The following PCDH9 variants were observed in gnomAD, a reference collection of about 807,000 sequenced individuals.
PCDH9 encodes protocadherin-9.
A neutral mutation model predicts 70.6 loss-of-function variants in PCDH9; 24 were observed. The observed-to-expected ratio is 0.34, with a 90% CI of 0.25 to 0.48. The LOEUF (loss-of-function observed/expected upper bound fraction) is 0.48, where lower values mean the gene tolerates loss of function less well. Among genes scored for constraint, PCDH9 ranks in the 20% least tolerant of loss-of-function variants. The pLI is 0.99. For synonymous variants in PCDH9, 562 were observed against 558.5 expected, an observed-to-expected ratio of 1.01 and a Z score of -0.09; for missense variants, 1,281 against 1,503.6, an observed-to-expected ratio of 0.85 and a Z score of 2.45.
intron 4 of PCDH9, among the ~76,000 whole-genome samples, chr13:66,567,127 A>G (rs2138728008): frequency 6.6e-6 from 1 of 152,270 alleles, no homozygotes; most frequent in East Asian, 1.9e-4. Context: ...AGTCTTATTG[A>G]ATTCAGTGCC....
chr13:66,801,671 G>A (rs2080328991), intron 3 of PCDH9, among the ~76,000 whole-genome samples: 1 of 151,998 alleles, frequency 6.6e-6, no homozygotes, highest in Admixed American at 6.6e-5. Flanking sequence ...GAAAGAAAAT[G>A]TTATAGAATT....
intron 2 of PCDH9, among the ~76,000 whole-genome samples, chr13:67,149,953 A>G (rs1037180572): frequency 6.6e-6 from 1 of 152,180 alleles, no homozygotes; most frequent in African/African-American, 2.4e-5. Context: ...TTGAAGCCAA[A>G]ATTTCAAAAA....
At chr13:67,171,716 T>C (rs9541027) in intron 2 of PCDH9, among the ~76,000 whole-genome samples, 99,798 of 152,044 alleles carry the variant, frequency 0.66, 34,427 homozygotes, top group Non-Finnish European at 0.77. Context: ...TTATTGGTTC[T>C]GTGACCTTGG....
At chr13:66,751,155 T>C (rs1173718165) in intron 3 of PCDH9, among the ~76,000 whole-genome samples, 1 of 152,164 alleles carries the variant, frequency 6.6e-6, no homozygotes, top group East Asian at 1.9e-4. Flanking sequence ...CTATATTTCA[T>C]AACAACATAC....
intron 4 of PCDH9, among the ~76,000 whole-genome samples, chr13:66,505,811 TG>T (rs1959206293): frequency 6.6e-6 from 1 of 152,146 alleles, no homozygotes; most frequent in Admixed American, 6.6e-5. Context: ...GAGATTTGGG[TG>T]GGGGCACAGC....
chr13:66,984,610 A>T (rs1051166785), intron 2 of PCDH9, among the ~76,000 whole-genome samples: 2 of 152,162 alleles, frequency 1.3e-5, no homozygotes, highest in African/African-American at 2.4e-5. Context: ...TAAGATTCTA[A>T]TGCTAAAATG....
At chr13:67,122,550 G>T (rs533791567) in intron 2 of PCDH9, among the ~76,000 whole-genome samples, 3 of 151,872 alleles carry the variant, frequency 2.0e-5, no homozygotes, top group East Asian at 3.9e-4. Context: ...CGAGGTGGGC[G>T]GATGACGAGG....
intron 4 of PCDH9, among the ~76,000 whole-genome samples, chr13:66,346,688 A>G (rs987590478): frequency 6.6e-6 from 1 of 152,100 alleles, no homozygotes; most frequent in Non-Finnish European, 1.5e-5. Context: ...TATTTTAAAA[A>G]TCTCTTCTGT....
intron 2 of PCDH9, among the ~76,000 whole-genome samples, chr13:67,038,756 A>C (rs1400513505): frequency 6.6e-6 from 1 of 152,174 alleles, no homozygotes; most frequent in Non-Finnish European, 1.5e-5. Context: ...AAGCCTTGTA[A>C]TATCTGGAGT....
chr13:67,062,199 T>G (rs1356373571), intron 2 of PCDH9, among the ~76,000 whole-genome samples: 1 of 152,046 alleles, frequency 6.6e-6, no homozygotes, highest in African/African-American at 2.4e-5. Context: ...CCCAAACAGA[T>G]AGTGAAACAT....
intron 3 of PCDH9, among the ~76,000 whole-genome samples, chr13:66,643,598 A>G (rs139994980): frequency 6.6e-6 from 1 of 152,202 alleles, no homozygotes; most frequent in Non-Finnish European, 1.5e-5. Flanking sequence ...CTGGATACAA[A>G]TATAAAATTC....
Position 67,227,364 on chromosome 13 carries a change from G to A in PCDH9, c.1077C>T (p.Asp359=). 1 of 1,613,922 alleles carries A rather than the reference G, an allele frequency of 6.2e-7. No homozygotes were observed. Among genetic ancestry groups the A allele is most frequent in the Non-Finnish European group, 8.5e-7 (1 of 1,179,848 alleles). ...TGATGGGACTTATAATGTACCTGAG[G>A]TCTATATTAGGAGGGTTATCATTTA... ...TDVNDNPPNI[D]LRYIISPING... is the part of the protein sequence containing the mutation. The change falls in exon 2 of 5, where the codon GAC becomes GAT. Residue 359 remains aspartate (D), a synonymous_variant. Transcript: ENST00000377865. The surrounding 1 kb of genome is among the most constrained non-coding windows in gnomAD (Gnocchi z 4.6).
chr13:66,583,102 CTTT>C (rs375846984), intron 4 of PCDH9, among the ~76,000 whole-genome samples: 1 of 125,492 alleles, frequency 8.0e-6, no homozygotes. Context: ...TATGTGCATG[CTTT>C]TTTTTTTTTT....
intron 2 of PCDH9, among the ~76,000 whole-genome samples, chr13:67,152,174 C>T (rs1034225016): frequency 1.3e-5 from 2 of 152,154 alleles, no homozygotes; most frequent in African/African-American, 2.4e-5. Context: ...TGAGAACATT[C>T]CATACACCCA....
At chr13:66,463,533 T>C (rs565162483) in intron 4 of PCDH9, among the ~76,000 whole-genome samples, 1 of 151,970 alleles carries the variant, frequency 6.6e-6, no homozygotes, top group South Asian at 2.1e-4. Flanking sequence ...TAAGTATTTA[T>C]TGTGCATTTA....
intron 2 of PCDH9, among the ~76,000 whole-genome samples, chr13:66,911,106 A>G (rs1292516590): frequency 1.3e-5 from 2 of 152,222 alleles, no homozygotes; most frequent in Non-Finnish European, 2.9e-5. Flanking sequence ...AGGCAAACAT[A>G]GTTTTTTGTA....
chr13:66,966,734 A>G (rs2083439867), intron 2 of PCDH9, among the ~76,000 whole-genome samples: 1 of 152,124 alleles, frequency 6.6e-6, no homozygotes, highest in Non-Finnish European at 1.5e-5. Context: ...CTTTTGCTGA[A>G]GGGTCATGAG....
chr13:66,316,334 C>A (rs912672309), intron 4 of PCDH9, among the ~76,000 whole-genome samples: 7 of 152,148 alleles, frequency 4.6e-5, no homozygotes, highest in Non-Finnish European at 8.8e-5. Flanking sequence ...ATTTGGGGGA[C>A]TATTATTCAG....
intron 4 of PCDH9, among the ~76,000 whole-genome samples, chr13:66,618,053 C>T (rs932352498): frequency 6.6e-6 from 1 of 152,154 alleles, no homozygotes; most frequent in African/African-American, 2.4e-5. Flanking sequence ...CTGGCCCCTC[C>T]TCTTCCTGGG....
Sources: gnomAD v4.1 joint callset for allele counts (sites outside exome capture counted in the v4.1 genomes callset) on GRCh38, gnomAD v4.1.1 for gene constraint, Gnocchi (gnomAD v3.1) non-coding constraint, MANE v1.5 for transcripts, NCBI Gene and HGNC (gene_info 2026-07-23, HGNC 2026-07-21) for gene names.